PXDNL: variants seen among roughly 807,000 people sequenced by gnomAD.
PXDNL encodes the protein probable oxidoreductase PXDNL.
PXDNL carries 145 observed loss-of-function variants against 150.8 expected under a neutral mutation model. The ratio of observed to expected loss-of-function variants is 0.96; its 90% confidence interval spans 0.84 to 1.10. PXDNL has a LOEUF of 1.10. Among genes scored for constraint, PXDNL ranks in the 50% least tolerant of loss-of-function variants. The pLI, the probability that PXDNL is intolerant of heterozygous loss-of-function variation, is 0.00. For missense variants in PXDNL, 2,087 were observed against 1,873.9 expected (o/e 1.11, Z -2.10); for synonymous variants, 757 against 725.7 (o/e 1.04, Z -0.69).
At chr8:51,454,891 G>A (rs567601458) in intron 9 of PXDNL, among the ~76,000 whole-genome samples, 63 of 152,138 alleles carry the variant, frequency 4.1e-4, no homozygotes, top group African/African-American at 1.4e-3. Context: ...AACATGCCTC[G>A]GAAAGAATTG....
chr8:51,617,310 C>T lies in PXDNL; in HGVS notation c.237-24612G>A, dbSNP rs574025561. Among the ~76,000 whole-genome samples, 111 of 152,274 alleles carry T rather than the reference C, an allele frequency of 7.3e-4. 1 individual carries two copies. The highest frequency in any genetic ancestry group is 1.2e-3 in the Non-Finnish European group (83 of 68,012). ...CATTTGTTACTGTATATTATTTGGT[C>T]ATTTCAATTTCCAGAGATTAATAGG... On this transcript the variant is annotated intron_variant, in intron 2 of 22. Transcript: ENST00000356297.
At chr8:51,520,013 G>A (rs1276299459) in intron 4 of PXDNL, among the ~76,000 whole-genome samples, 1 of 152,162 alleles carries the variant, frequency 6.6e-6, no homozygotes, top group Non-Finnish European at 1.5e-5. Context: ...GTGGGAATTT[G>A]GAGGAGTTGC....
chr8:51,627,302 T>C (rs1457023117), intron 2 of PXDNL, among the ~76,000 whole-genome samples: 3 of 152,116 alleles, frequency 2.0e-5, no homozygotes, highest in Non-Finnish European at 4.4e-5. Flanking sequence ...ATCAAGACAC[T>C]TGGAAAAATT....
chr8:51,787,970 C>A (rs1270634720), intron 1 of PXDNL, among the ~76,000 whole-genome samples: 1 of 152,186 alleles, frequency 6.6e-6, no homozygotes, highest in Non-Finnish European at 1.5e-5. Flanking sequence ...AGACCCTCCA[C>A]CAGAAAAAAA....
chr8:51,492,483 G>A (rs975736356), intron 5 of PXDNL, among the ~76,000 whole-genome samples: 3 of 152,160 alleles, frequency 2.0e-5, no homozygotes, highest in Non-Finnish European at 4.4e-5. Flanking sequence ...GCTGGGCAAG[G>A]CATCACCTCA....
chr8:51,660,194 A>ATTTAT (rs5891424), intron 1 of PXDNL, among the ~76,000 whole-genome samples: 100,352 of 151,428 alleles, frequency 0.66, 33,730 homozygotes, highest in Non-Finnish European at 0.72. Flanking sequence ...CCAGCCCACA[A>ATTTAT]TTTAAGATAT....
chr8:51,435,261 C>T (rs1449499878), intron 12 of PXDNL, among the ~76,000 whole-genome samples: 1 of 151,948 alleles, frequency 6.6e-6, no homozygotes, highest in African/African-American at 2.4e-5. Context: ...GTGAAGGTTG[C>T]AGTGAGCCAC....
intron 1 of PXDNL, among the ~76,000 whole-genome samples, chr8:51,768,628 T>C (rs2037257626): frequency 6.6e-6 from 1 of 152,108 alleles, no homozygotes; most frequent in Admixed American, 6.5e-5. Flanking sequence ...AAACAAGCCA[T>C]GAATAATTTA....
intron 3 of PXDNL, among the ~76,000 whole-genome samples, chr8:51,564,439 G>A (rs76804797): frequency 1.3e-4 from 19 of 151,698 alleles, no homozygotes; most frequent in Admixed American, 8.6e-4. Flanking sequence ...GGTCACAGAC[G>A]GTTGGTTCAC....
chr8:51,425,514 T>C (rs1321615746), intron 13 of PXDNL, among the ~76,000 whole-genome samples: 1 of 152,066 alleles, frequency 6.6e-6, no homozygotes. Context: ...TAATATATAA[T>C]ATCAAATTAA....
chr8:51,522,314 G>A (rs1811678767), intron 4 of PXDNL, among the ~76,000 whole-genome samples: 1 of 152,112 alleles, frequency 6.6e-6, no homozygotes, highest in African/African-American at 2.4e-5. Flanking sequence ...CTTGTTCTGG[G>A]TTCTCTGTTT....
At chr8:51,513,486 T>A (rs1355038348) in intron 4 of PXDNL, among the ~76,000 whole-genome samples, 2 of 152,232 alleles carry the variant, frequency 1.3e-5, no homozygotes, top group Admixed American at 6.5e-5. Flanking sequence ...CTGCATTCTT[T>A]TTGTGACTTC....
chr8:51,652,464 C>A (rs920647158), intron 2 of PXDNL, among the ~76,000 whole-genome samples: 18 of 145,632 alleles, frequency 1.2e-4, no homozygotes, highest in African/African-American at 4.3e-4. Flanking sequence ...CACACACAAA[C>A]ACACACACAC....
intron 12 of PXDNL, among the ~76,000 whole-genome samples, chr8:51,444,822 G>A (rs887774568): frequency 6.6e-6 from 1 of 152,122 alleles, no homozygotes; most frequent in Non-Finnish European, 1.5e-5. Context: ...GTGTCACTTG[G>A]TGACAGTAGT....
intron 3 of PXDNL, among the ~76,000 whole-genome samples, chr8:51,563,703 C>T (rs1337513483): frequency 6.6e-6 from 1 of 151,942 alleles, no homozygotes; most frequent in African/African-American, 2.4e-5. Flanking sequence ...TTTTGCACTA[C>T]TCAATACATA....
intron 19 of PXDNL, 53 bp from the exon 20 acceptor site, chr8:51,346,000 T>C (rs1173958929): frequency 1.8e-6 from 2 of 1,093,678 alleles, no homozygotes; most frequent in East Asian, 4.7e-5. Context: ...GATGTCATGA[T>C]CTCATCTAGA....
At chr8:51,573,859 AG>A (rs1274938156) in intron 3 of PXDNL, among the ~76,000 whole-genome samples, 1 of 152,110 alleles carries the variant, frequency 6.6e-6, no homozygotes, top group Non-Finnish European at 1.5e-5. Flanking sequence ...AAGGTCATAT[AG>A]ATGGGCTCTA....
chr8:51,407,948 C>G, intron 17 of PXDNL, 119 bp downstream of exon 17: 1 of 773,962 alleles, frequency 1.3e-6, no homozygotes, highest in South Asian at 2.0e-5. Context: ...CCAACAATAA[C>G]AAGTACTAAA....
At position 51,588,742 on chromosome 8, in the gene PXDNL, G is replaced by A. The variant is rs7846331; in HGVS notation, c.308+3885C>T. The stretch of plus-strand genomic sequence containing the variant: ...TTGTCTTACTCTAAGGGAGTTACTC[G>A]TGACATGCCCATGAGTAGAGAACTA... On this transcript the variant is annotated intron_variant, in intron 3 of 22. Coordinates refer to ENST00000356297, the MANE Select transcript of PXDNL (RefSeq NM_144651.5). 2.0e-4 allele frequency among the ~76,000 whole-genome samples: 31 copies of A among 152,156 alleles called. 1 individual carries two copies. The East Asian group carries it at 2.1e-3, about 10-fold the overall frequency.
Sources: allele counts gnomAD v4.1 joint callset (sites outside exome capture counted in the v4.1 genomes callset), GRCh38; gene constraint gnomAD v4.1.1; transcripts MANE v1.5; gene names NCBI Gene and HGNC (gene_info 2026-07-23, HGNC 2026-07-21).